The following DOK6 variants were observed in gnomAD, a reference collection of about 807,000 sequenced individuals.
The protein encoded by DOK6 is docking protein 6, also known as downstream of tyrosine kinase 6.
DOK6 carries 22 observed loss-of-function variants against 44.0 expected under a neutral mutation model. That is an observed-to-expected ratio of 0.50 (90% confidence interval 0.36 to 0.71). The LOEUF (loss-of-function observed/expected upper bound fraction) is 0.71. DOK6 is among the 30% of genes least tolerant of loss of function. The pLI is 0.00. For synonymous variants in DOK6, 166 were observed against 145.5 expected (o/e 1.14, Z -1.01); for missense variants, 340 against 416.4 (o/e 0.82, Z 1.60).
intron 3 of DOK6, among the ~76,000 whole-genome samples, chr18:69,650,892 A>G (rs1280804536): frequency 6.6e-6 from 1 of 152,222 alleles, no homozygotes; most frequent in Non-Finnish European, 1.5e-5. Context: ...TCTTTGGTAT[A>G]ATAGCCTGTC....
chr18:69,704,402 G>A (rs1309448369), intron 5 of DOK6, among the ~76,000 whole-genome samples: 1 of 150,840 alleles, frequency 6.6e-6, no homozygotes, highest in East Asian at 2.0e-4. Flanking sequence ...AATCCAGCAA[G>A]CCACTGATTA....
chr18:69,650,476 G>C (rs1418237490), intron 3 of DOK6, among the ~76,000 whole-genome samples: 5 of 152,140 alleles, frequency 3.3e-5, no homozygotes, highest in Admixed American at 3.3e-4. Flanking sequence ...GAATATGCAG[G>C]AAATGCCTAG....
At chr18:69,529,170 C>T (rs142774565) in intron 1 of DOK6, among the ~76,000 whole-genome samples, 20 of 152,274 alleles carry the variant, frequency 1.3e-4, no homozygotes, top group African/African-American at 4.1e-4. Context: ...ACTGCATAAC[C>T]GGAATAGGAG....
intron 1 of DOK6, among the ~76,000 whole-genome samples, chr18:69,510,316 A>G (rs992137955): frequency 3.9e-5 from 6 of 152,330 alleles, no homozygotes; most frequent in African/African-American, 7.2e-5. Flanking sequence ...GTTAATATTA[A>G]CCATTAAGTA....
intron 1 of DOK6, among the ~76,000 whole-genome samples, chr18:69,489,480 T>A (rs1042848482): frequency 1.3e-5 from 2 of 152,120 alleles, no homozygotes; most frequent in Admixed American, 1.3e-4. Context: ...TGGGGAAGTG[T>A]GTACACCATG....
chr18:69,652,256 A>G (rs1389696083), intron 3 of DOK6, among the ~76,000 whole-genome samples: 1 of 152,248 alleles, frequency 6.6e-6, no homozygotes, highest in Non-Finnish European at 1.5e-5. Flanking sequence ...TACACTAAAA[A>G]TAATATAAAA....
At chr18:69,737,795 A>G (rs989991168) in intron 5 of DOK6, among the ~76,000 whole-genome samples, 18 of 152,272 alleles carry the variant, frequency 1.2e-4, no homozygotes, top group Admixed American at 3.3e-4. Flanking sequence ...CTCGACCTTT[A>G]CATCTCAATG....
intron 1 of DOK6, among the ~76,000 whole-genome samples, chr18:69,462,808 G>A (rs763233635): frequency 1.3e-5 from 2 of 152,096 alleles, no homozygotes; most frequent in African/African-American, 2.4e-5. Context: ...GGGAGCTTGG[G>A]CAATTATTTT....
intron 7 of DOK6, among the ~76,000 whole-genome samples, chr18:69,803,707 A>G (rs1298791179): frequency 6.6e-6 from 1 of 152,148 alleles, no homozygotes; most frequent in Non-Finnish European, 1.5e-5. Flanking sequence ...CTAAAAATAC[A>G]AAAAAGCCGA....
chr18:69,509,968 G>T (rs754381582), intron 1 of DOK6, among the ~76,000 whole-genome samples: 4 of 152,148 alleles, frequency 2.6e-5, no homozygotes, highest in Non-Finnish European at 5.9e-5. Context: ...TGCTGGTAAT[G>T]TTCAACTTGA....
At chr18:69,723,046 C>T (rs538886069) in intron 5 of DOK6, among the ~76,000 whole-genome samples, 1 of 152,252 alleles carries the variant, frequency 6.6e-6, no homozygotes, top group Admixed American at 6.5e-5. Flanking sequence ...TTTATTTATT[C>T]CAATCCTAAT....
At chr18:69,693,219 T>C (rs4891370) in intron 4 of DOK6, among the ~76,000 whole-genome samples, 25,828 of 151,752 alleles carry the variant, frequency 0.17, 2,486 homozygotes, top group Admixed American at 0.28. Flanking sequence ...CTTTGTTCCA[T>C]GTTCCATTGT....
At chr18:69,401,420 C>A in intron 1 of DOK6, 110 bp downstream of exon 1, 1 of 1,237,698 alleles carries the variant, frequency 8.1e-7, no homozygotes, top group Non-Finnish European at 1.1e-6. Flanking sequence ...CAGAGAGGGA[C>A]CCGGCCCTTA....
intron 1 of DOK6, among the ~76,000 whole-genome samples, chr18:69,421,195 G>A (rs1978482757): frequency 6.6e-6 from 1 of 152,090 alleles, no homozygotes; most frequent in Non-Finnish European, 1.5e-5. Context: ...CCATCTCATT[G>A]ATGTTGGTTT....
Position 69,514,811 on chromosome 18 carries a change from C to A in DOK6, c.67-49676C>A, listed in dbSNP as rs182976628. 2.9e-3 allele frequency among the ~76,000 whole-genome samples: 438 copies of A among 149,116 alleles called. 1 individual carries two copies. Among genetic ancestry groups the A allele is most frequent in the Non-Finnish European group, 5.1e-3 (342 of 67,320 alleles). The stretch of plus-strand genomic sequence containing the variant: ...ACATGCTACCTCCTACTTTGTAGAC[C>A]ACATCATGACTAAAGCTCTCCATAT... On this transcript the variant is annotated intron_variant, in intron 1 of 7. Coordinates refer to ENST00000382713, the MANE Select transcript of DOK6 (RefSeq NM_152721.6).
chr18:69,479,088 G>A (rs563883837), intron 1 of DOK6, among the ~76,000 whole-genome samples: 1 of 142,316 alleles, frequency 7.0e-6, no homozygotes, highest in East Asian at 1.9e-4. Flanking sequence ...TGGGAGGTAA[G>A]GAAGCATGTA....
chr18:69,678,833 G>A lies in DOK6; in HGVS notation c.409+980G>A, dbSNP rs144003357. 1.8e-3 allele frequency among the ~76,000 whole-genome samples: 270 copies of A among 151,190 alleles called. 1 individual carries two copies. Among genetic ancestry groups the A allele is most frequent in the African/African-American group, 6.2e-3 (256 of 41,218 alleles). On this transcript the variant is annotated intron_variant, in intron 4 of 7. Transcript: ENST00000382713. ...TTAGTGTTGCTAAGTTTTGATGATC[G>A]GTGTTTTGAAAGGTTGAAGGATATT...
intron 3 of DOK6, among the ~76,000 whole-genome samples, chr18:69,601,834 A>G (rs1225396582): frequency 6.6e-6 from 1 of 152,218 alleles, no homozygotes; most frequent in Admixed American, 6.5e-5. Context: ...AGCCCAGAGC[A>G]TCTTGTAGTG....
chr18:69,553,937 T>C (rs1599188700), intron 1 of DOK6, among the ~76,000 whole-genome samples: 1 of 152,172 alleles, frequency 6.6e-6, no homozygotes, highest in Non-Finnish European at 1.5e-5. Flanking sequence ...TTGTAACACA[T>C]GTAGCAGGGA....
Sources: allele counts gnomAD v4.1 joint callset (sites outside exome capture counted in the v4.1 genomes callset), GRCh38; gene constraint gnomAD v4.1.1; transcripts MANE v1.5; gene names NCBI Gene and HGNC (gene_info 2026-07-23, HGNC 2026-07-21).